NAALADL2: variants seen among roughly 807,000 people sequenced by gnomAD.
NAALADL2 encodes the protein N-acetylated alpha-linked acidic dipeptidase like 2, also known as inactive N-acetylated-alpha-linked acidic dipeptidase-like protein 2.
Under a neutral mutation model 87.2 loss-of-function variants are expected in NAALADL2, and 76 were observed. The observed-to-expected ratio is 0.87, with a 90% CI of 0.72 to 1.05. The LOEUF (loss-of-function observed/expected upper bound fraction) is 1.05, where lower values mean the gene tolerates loss of function less well. NAALADL2 is among the 50% of genes least tolerant of loss of function. The pLI, the probability that NAALADL2 is intolerant of heterozygous loss-of-function variation, is 0.00. For synonymous variants in NAALADL2, 354 were observed against 331.0 expected (o/e 1.07, Z -0.75); for missense variants, 1,089 against 945.8 (o/e 1.15, Z -1.99).
intron 3 of NAALADL2, among the ~76,000 whole-genome samples, chr3:174,786,459 A>AT (rs201627098): frequency 0.042 from 5,875 of 140,860 alleles, 141 homozygotes; most frequent in Middle Eastern, 0.096. Context: ...CAAAAAAAAA[A>AT]AAAAAAATAA....
At chr3:175,573,024 A>G (rs1350896815) in intron 9 of NAALADL2, among the ~76,000 whole-genome samples, 1 of 152,244 alleles carries the variant, frequency 6.6e-6, no homozygotes, top group African/African-American at 2.4e-5. Flanking sequence ...AAATGTTTAT[A>G]TAACTAATGA....
In NAALADL2 at chr3:175,526,312, A is replaced by T. The variant is rs144188076; in HGVS notation, c.1654-49729A>T. 5.9e-5 allele frequency among the ~76,000 whole-genome samples: 9 copies of T among 152,290 alleles called. No individual in the cohort carries two copies. In the East Asian group the frequency reaches 1.7e-3, roughly 29 times the overall value. Reference sequence around the variant, plus strand: ...ACAGTATATTTTGGTGCATGTATAGATGTTAGCTAGAACTGACCCTTATTT... The same window carrying T: ...ACAGTATATTTTGGTGCATGTATAGTTGTTAGCTAGAACTGACCCTTATTT... On this transcript the variant is annotated intron_variant, in intron 9 of 13. Coordinates refer to ENST00000454872, the MANE Select transcript of NAALADL2 (RefSeq NM_207015.3).
chr3:175,048,208 A>AT (rs142963613), intron 1 of NAALADL2, among the ~76,000 whole-genome samples: 3,693 of 152,216 alleles, frequency 0.024, 170 homozygotes, highest in African/African-American at 0.084. Context: ...CAGGTAAAGG[A>AT]TTTTTGTTCA....
intron 1 of NAALADL2, among the ~76,000 whole-genome samples, chr3:175,063,083 A>G (rs896369619): frequency 2.0e-4 from 30 of 152,122 alleles, no homozygotes; most frequent in African/African-American, 6.8e-4. Flanking sequence ...TTGTTGGTGA[A>G]AACAATGTAA....
intron 2 of NAALADL2, among the ~76,000 whole-genome samples, chr3:175,140,930 G>A (rs1729900057): frequency 6.6e-6 from 1 of 152,082 alleles, no homozygotes; most frequent in Non-Finnish European, 1.5e-5. Context: ...CAGAAAGGGG[G>A]CAAGGAATTA....
chr3:175,708,021 A>G (rs1258674885), intron 11 of NAALADL2, among the ~76,000 whole-genome samples: 1 of 152,038 alleles, frequency 6.6e-6, no homozygotes. Flanking sequence ...AAACAAACAA[A>G]CGAACAAACA....
chr3:175,272,634 C>A, intron 4 of NAALADL2, among the ~76,000 whole-genome samples: 1 of 152,022 alleles, frequency 6.6e-6, no homozygotes, highest in Admixed American at 6.6e-5. Context: ...TAATATGTCA[C>A]CCCAGGTACA....
intron 2 of NAALADL2, among the ~76,000 whole-genome samples, chr3:174,591,693 TTC>T (rs1717376933): frequency 6.6e-6 from 1 of 152,358 alleles, no homozygotes; most frequent in Non-Finnish European, 1.5e-5. Flanking sequence ...GTTGTGCCTT[TTC>T]TCTCTTAGAG....
At chr3:175,079,054 G>A (rs550856604) in intron 1 of NAALADL2, among the ~76,000 whole-genome samples, 2 of 152,262 alleles carry the variant, frequency 1.3e-5, no homozygotes, top group South Asian at 4.1e-4. Flanking sequence ...CACTAGCAAC[G>A]TATGGGGTTC....
intron 9 of NAALADL2, among the ~76,000 whole-genome samples, chr3:175,551,880 G>A (rs551925343): frequency 2.1e-5 from 3 of 141,040 alleles, no homozygotes; most frequent in East Asian, 2.1e-4. Flanking sequence ...CCGAGATCAC[G>A]CCACTGCACT....
intron 5 of NAALADL2, among the ~76,000 whole-genome samples, chr3:175,353,464 G>T (rs1185638847): frequency 6.6e-6 from 1 of 152,112 alleles, no homozygotes; most frequent in Non-Finnish European, 1.5e-5. Flanking sequence ...AAAGGGCATA[G>T]TTTCTATATA....
At chr3:174,852,749 T>C (rs2109484588) in intron 3 of NAALADL2, among the ~76,000 whole-genome samples, 1 of 152,244 alleles carries the variant, frequency 6.6e-6, no homozygotes, top group South Asian at 2.1e-4. Context: ...AGACTCAGAA[T>C]AGCCAAAGCT....
At chr3:175,436,056 T>G (rs1383663400) in intron 5 of NAALADL2, among the ~76,000 whole-genome samples, 1 of 137,580 alleles carries the variant, frequency 7.3e-6, no homozygotes, top group Non-Finnish European at 1.5e-5. Flanking sequence ...TGTGTCCATG[T>G]GATCTCATTG....
intron 3 of NAALADL2, among the ~76,000 whole-genome samples, chr3:174,787,620 T>TAC (rs1489900205): frequency 8.5e-6 from 1 of 117,488 alleles, no homozygotes; most frequent in African/African-American, 2.9e-5. Flanking sequence ...TATATATATA[T>TAC]AGTAGTGACT....
At chr3:175,787,768 A>G (rs1752263936) in intron 13 of NAALADL2, among the ~76,000 whole-genome samples, 1 of 152,166 alleles carries the variant, frequency 6.6e-6, no homozygotes, top group Non-Finnish European at 1.5e-5. Context: ...CAAAGATATA[A>G]AAAAAAGAAA....
chr3:175,064,271 A>C (rs1714130184), intron 1 of NAALADL2, among the ~76,000 whole-genome samples: 1 of 151,976 alleles, frequency 6.6e-6, no homozygotes, highest in Non-Finnish European at 1.5e-5. Flanking sequence ...GAAAAACGAC[A>C]ACAAAACCAC....
intron 2 of NAALADL2, among the ~76,000 whole-genome samples, chr3:174,569,966 C>T (rs1714734627): frequency 6.6e-6 from 1 of 152,088 alleles, no homozygotes; most frequent in African/African-American, 2.4e-5. Flanking sequence ...AACTGTGGTA[C>T]TCTCTCCTGC....
intron 1 of NAALADL2, among the ~76,000 whole-genome samples, chr3:174,871,692 A>C (rs1055574459): frequency 4.6e-5 from 7 of 152,148 alleles, no homozygotes; most frequent in Admixed American, 6.6e-5. Flanking sequence ...TCGGGTCAGA[A>C]GTTCAAGGCC....
chr3:174,929,309 T>G (rs1248574998), intron 1 of NAALADL2, among the ~76,000 whole-genome samples: 1 of 152,186 alleles, frequency 6.6e-6, no homozygotes, highest in Non-Finnish European at 1.5e-5. Flanking sequence ...AAGTGAAATG[T>G]CTGATTTTTT....
Sources: allele counts gnomAD v4.1 joint callset (sites outside exome capture counted in the v4.1 genomes callset), GRCh38; gene constraint gnomAD v4.1.1; transcripts MANE v1.5; gene names NCBI Gene and HGNC (gene_info 2026-07-23, HGNC 2026-07-21).